The following GOLM1 variants were observed in gnomAD, a reference collection of about 807,000 sequenced individuals.
GOLM1 encodes epididymis luminal protein 46.
Under a neutral mutation model 50.5 loss-of-function variants are expected in GOLM1, and 31 were observed. The ratio of observed to expected loss-of-function variants is 0.61; its 90% CI spans 0.46 to 0.83. The LOEUF (loss-of-function observed/expected upper bound fraction) is 0.83. GOLM1 is among the 40% of genes least tolerant of loss of function. The pLI, the probability that GOLM1 is intolerant of heterozygous loss-of-function variation, is 0.00. For synonymous variants in GOLM1, 178 were observed against 192.8 expected, an observed-to-expected ratio of 0.92 and a Z score of 0.64; for missense variants, 491 against 501.3, an observed-to-expected ratio of 0.98 and a Z score of 0.20.
chr9:86,053,677 CCA>C (rs1833885806), intron 3 of GOLM1, among the ~76,000 whole-genome samples: 1 of 147,926 alleles, frequency 6.8e-6, no homozygotes. Context: ...ACACGGCACA[CCA>C]CTCCACACAC....
Position 86,089,463 on chromosome 9 carries a change from C to CT in GOLM1, c.-22+9947dup, listed in dbSNP as rs557129467. Among the ~76,000 whole-genome samples the CT allele has an allele frequency of 1.1e-4, 16 of 152,098 alleles. No homozygotes were observed. In the South Asian group the frequency reaches 3.3e-3, roughly 32 times the overall value. ...GAGGCTTTGTTCATTCCTTTTCATT[C>CT]TTTTTTTCTCTAATCTTGTCTTCAC... On this transcript the variant is annotated intron_variant, in intron 1 of 9. Transcript: ENST00000388712.
At chr9:86,068,102 C>T (rs1834357500) in intron 3 of GOLM1, among the ~76,000 whole-genome samples, 1 of 152,048 alleles carries the variant, frequency 6.6e-6, no homozygotes, top group South Asian at 2.1e-4. Flanking sequence ...TGGGCCCTAT[C>T]CAATATGACT....
chr9:86,095,656 A>G (rs1182693450), intron 1 of GOLM1, among the ~76,000 whole-genome samples: 1 of 152,190 alleles, frequency 6.6e-6, no homozygotes, highest in African/African-American at 2.4e-5. Flanking sequence ...TGCCTGGAAG[A>G]TTATGCGCGC....
chr9:86,037,335 A>C (rs1285491500), intron 6 of GOLM1, among the ~76,000 whole-genome samples: 1 of 151,734 alleles, frequency 6.6e-6, no homozygotes, highest in East Asian at 1.9e-4. Context: ...GGTGATTTCC[A>C]GCTGAGGCAG....
chr9:86,049,392 T>C (rs1833663485), intron 4 of GOLM1, among the ~76,000 whole-genome samples: 1 of 152,222 alleles, frequency 6.6e-6, no homozygotes, highest in Non-Finnish European at 1.5e-5. Context: ...AAGTAGTTTT[T>C]TCCAATTCTG....
intron 1 of GOLM1, among the ~76,000 whole-genome samples, chr9:86,082,831 G>A (rs368697420): frequency 5.9e-5 from 9 of 152,274 alleles, no homozygotes; most frequent in East Asian, 3.9e-4. Flanking sequence ...ATGTATAGCC[G>A]CTATTCTAGA....
At chr9:86,056,861 C>T (rs1016732149) in intron 3 of GOLM1, among the ~76,000 whole-genome samples, 33 of 152,058 alleles carry the variant, frequency 2.2e-4, no homozygotes, top group Admixed American at 1.6e-3. Flanking sequence ...AGTGCAGTGG[C>T]GCTATCATAG....
At chr9:86,083,339 G>T (rs374409155) in intron 1 of GOLM1, among the ~76,000 whole-genome samples, 3 of 152,272 alleles carry the variant, frequency 2.0e-5, no homozygotes, top group South Asian at 4.1e-4. Flanking sequence ...TCACAAAAAA[G>T]TCTATACATG....
chr9:86,044,279 A>G (rs1011463775), intron 5 of GOLM1, among the ~76,000 whole-genome samples: 5 of 152,258 alleles, frequency 3.3e-5, no homozygotes, highest in Non-Finnish European at 7.3e-5. Context: ...AGTGACAATC[A>G]CATTTCCCTT....
chr9:86,062,730 G>C (rs1481852098), intron 3 of GOLM1, among the ~76,000 whole-genome samples: 3 of 147,908 alleles, frequency 2.0e-5, no homozygotes, highest in Non-Finnish European at 4.4e-5. Context: ...GAAGCAAACG[G>C]GGGGGGCTGC....
intron 1 of GOLM1, among the ~76,000 whole-genome samples, chr9:86,083,387 T>C (rs939872447): frequency 1.5e-4 from 23 of 152,164 alleles, no homozygotes; most frequent in African/African-American, 5.6e-4. Context: ...CTAACTAATT[T>C]TTGTTTGTTT....
intron 3 of GOLM1, among the ~76,000 whole-genome samples, chr9:86,075,021 C>T (rs1834570678): frequency 6.6e-6 from 1 of 152,200 alleles, no homozygotes; most frequent in African/African-American, 2.4e-5. Flanking sequence ...GAGCCGAGAC[C>T]TCTGGGAGAG....
intron 9 of GOLM1, among the ~76,000 whole-genome samples, chr9:86,031,464 T>G (rs1832980302): frequency 6.8e-6 from 1 of 146,298 alleles, no homozygotes; most frequent in Admixed American, 6.8e-5. Context: ...TTTTTTTTTT[T>G]TTTTTTTTTT....
chr9:86,042,657 A>G (rs911821634), intron 5 of GOLM1, among the ~76,000 whole-genome samples: 7 of 152,242 alleles, frequency 4.6e-5, no homozygotes, highest in Non-Finnish European at 8.8e-5. Flanking sequence ...ATAGCGAACA[A>G]AAAGCTGTCT....
intron 3 of GOLM1, among the ~76,000 whole-genome samples, chr9:86,062,043 T>C (rs755934195): frequency 2.0e-5 from 3 of 151,858 alleles, no homozygotes; most frequent in Non-Finnish European, 2.9e-5. Flanking sequence ...ACACCATCTA[T>C]CCAGGAAAAC....
At position 86,066,043 on chromosome 9, in the gene GOLM1, AAAAT is replaced by A. The variant is rs1441636318; in HGVS notation, c.309+11365_309+11368del. 1.1e-4 allele frequency among the ~76,000 whole-genome samples: 16 copies of A among 152,282 alleles called. No homozygotes were observed. The South Asian group carries it at 2.9e-3, about 28-fold the overall frequency. ...TGACACAGTGAGACTCTGTCTCCAG[AAAAT>A]AAATAAATATGTTCATGTTACAAAA... is the stretch of plus-strand genomic sequence containing the variant. On this transcript the variant is annotated intron_variant, in intron 3 of 9. Transcript: ENST00000388712.
At chr9:86,058,400 T>C (rs1204660198) in intron 3 of GOLM1, among the ~76,000 whole-genome samples, 1 of 152,152 alleles carries the variant, frequency 6.6e-6, no homozygotes, top group Non-Finnish European at 1.5e-5. Flanking sequence ...TTCACATCTA[T>C]CAGTATGGCT....
Position 86,027,818 on chromosome 9 carries a change from CAG to C in GOLM1, c.1203_1204del (p.Ter402AsnfsTer2). 2 of 1,612,772 alleles carry C rather than the reference CAG, an allele frequency of 1.2e-6. No homozygotes were observed. The highest frequency in any genetic ancestry group is 1.7e-6 in the Non-Finnish European group (2 of 1,179,082). ...TGAAATATGTGATTCCAGTTCAATT[CAG>C]AGTGTATGATTCCGCTTTTCACGCT... On this transcript the variant is annotated frameshift_variant and stop_lost, in exon 10 of 10. Transcript: ENST00000388712. LOFTEE classifies it high-confidence loss of function.
At position 86,027,115 on chromosome 9, in the gene GOLM1, C is replaced by G. The variant is rs1413082428; in HGVS notation, c.*702G>C. ...GATGTTGCTTTGCCCACACACGAAG[C>G]AAAGTAAATAAAGACCACAAATGTT... On this transcript the variant is annotated 3_prime_UTR_variant, in exon 10 of 10. Transcript: ENST00000388712. 5.1e-6 allele frequency: 5 copies of G among 984,374 alleles called. No homozygotes were observed. Among genetic ancestry groups the G allele is most frequent in the East Asian group, 2.5e-4 (2 of 8,094 alleles). 61.0% of individuals were successfully genotyped at this position (984,374 alleles called of 1,614,324 possible).
Sources: allele counts gnomAD v4.1 joint callset (sites outside exome capture counted in the v4.1 genomes callset), GRCh38; gene constraint gnomAD v4.1.1; transcripts MANE v1.5; gene names NCBI Gene and HGNC (gene_info 2026-07-23, HGNC 2026-07-21).